PHACTR3: variants seen among roughly 807,000 people sequenced by gnomAD.
PHACTR3 encodes the protein phosphatase and actin regulator 3.
Under a neutral mutation model 66.8 loss-of-function variants are expected in PHACTR3, and 16 were observed. The observed-to-expected ratio is 0.24, with a 90% confidence interval of 0.16 to 0.36. The LOEUF is 0.36. PHACTR3 is among the 10% of genes least tolerant of loss of function. PHACTR3 has a pLI of 1.00. For missense variants in PHACTR3, 647 were observed against 719.9 expected (o/e 0.90, Z 1.16); for synonymous variants, 323 against 292.1 (o/e 1.11, Z -1.08).
chr20:59,731,762 A>G (rs1489223482), intron 1 of PHACTR3, among the ~76,000 whole-genome samples: 1 of 152,202 alleles, frequency 6.6e-6, no homozygotes, highest in African/African-American at 2.4e-5. Context: ...TTTCAGCATC[A>G]TTGCGTGCAG....
chr20:59,668,944 C>T (rs2036097513), intron 1 of PHACTR3, among the ~76,000 whole-genome samples: 1 of 144,064 alleles, frequency 6.9e-6, no homozygotes, highest in African/African-American at 2.7e-5. Context: ...GACAGGGTTT[C>T]ACCATGTCGG....
intron 1 of PHACTR3, among the ~76,000 whole-genome samples, chr20:59,630,916 G>A (rs73914751): frequency 0.011 from 1,665 of 152,300 alleles, 35 homozygotes; most frequent in African/African-American, 0.038. Flanking sequence ...CACCTGATGG[G>A]TAGACAGGGG....
chr20:59,601,495 AT>A (rs1273782920), upstream of PHACTR3, among the ~76,000 whole-genome samples: 1 of 152,196 alleles, frequency 6.6e-6, no homozygotes, highest in Non-Finnish European at 1.5e-5. Context: ...AGGAGGGACA[AT>A]TGGTGACTTT....
At chr20:59,654,619 A>C (rs2035557547) in intron 1 of PHACTR3, among the ~76,000 whole-genome samples, 1 of 152,180 alleles carries the variant, frequency 6.6e-6, no homozygotes. Flanking sequence ...CCAAGCTTTT[A>C]AATTTTACTA....
rs376299095 is a variant in PHACTR3, at chr20:59,674,422, C to T, written c.119-68685C>T. ...TCCTTCTCCTGTTCCTTCCCCTTCT[C>T]CTGTCCCCCCTTCTCCTGTTCCTTC... On this transcript the variant is annotated intron_variant, in intron 1 of 12. Coordinates refer to ENST00000371015, the MANE Select transcript of PHACTR3 (RefSeq NM_080672.5). Among the ~76,000 whole-genome samples the T allele has an allele frequency of 1.5e-4, 22 of 149,144 alleles. No homozygotes were observed. The East Asian group carries it at 4.1e-3, about 28-fold the overall frequency.
At position 59,806,032 on chromosome 20, in the gene PHACTR3, G is replaced by T. The variant is rs1298751727; in HGVS notation, c.1175-9G>T. ...CCTTCTCTCCTCTTGCCCTGGATGG[G>T]GCTTTTAGGAACACTGCCACGGAAA... On this transcript the variant is annotated splice_polypyrimidine_tract_variant and intron_variant, in intron 7 of 12. Coordinates refer to ENST00000371015, the MANE Select transcript of PHACTR3 (RefSeq NM_080672.5). 1.2e-6 allele frequency: 2 copies of T among 1,612,592 alleles called. No homozygotes were observed. The highest frequency in any genetic ancestry group is 1.1e-5 in the South Asian group (1 of 90,906).
intron 7 of PHACTR3, among the ~76,000 whole-genome samples, chr20:59,805,544 G>A (rs747583056): frequency 2.0e-5 from 3 of 152,152 alleles, no homozygotes; most frequent in Admixed American, 6.5e-5. Flanking sequence ...AAGGCTGTGC[G>A]GTAGGCAGAG....
At chr20:59,717,967 T>TA (rs1481809438) in intron 1 of PHACTR3, among the ~76,000 whole-genome samples, 3 of 152,212 alleles carry the variant, frequency 2.0e-5, no homozygotes, top group African/African-American at 7.2e-5. Flanking sequence ...GGTTCACAGA[T>TA]ACAGCTAAGA....
At chr20:59,698,788 C>T (rs1450325346) in intron 1 of PHACTR3, among the ~76,000 whole-genome samples, 1 of 152,190 alleles carries the variant, frequency 6.6e-6, no homozygotes, top group Non-Finnish European at 1.5e-5. Context: ...GCCCACAGAA[C>T]TCTCCATGGT....
intron 8 of PHACTR3, among the ~76,000 whole-genome samples, chr20:59,834,705 ATC>A (rs755589987): frequency 2.6e-5 from 4 of 152,100 alleles, no homozygotes; most frequent in Non-Finnish European, 4.4e-5. Context: ...AGCGAAATGT[ATC>A]TCTGCCAGAT....
intron 5 of PHACTR3, among the ~76,000 whole-genome samples, chr20:59,770,211 C>T (rs765174117): frequency 1.4e-4 from 21 of 152,218 alleles, no homozygotes; most frequent in Non-Finnish European, 2.8e-4. Context: ...TCAGGGGATA[C>T]TCTGACACTT....
rs77254639 is a variant in PHACTR3 at position 59,738,577 on chromosome 20, G to A, written c.119-4530G>A. 2.8e-4 allele frequency among the ~76,000 whole-genome samples: 43 copies of A among 152,200 alleles called. No individual in the cohort carries two copies. Among genetic ancestry groups the A allele is most frequent in the Non-Finnish European group, 3.7e-4 (25 of 68,004 alleles). ...TGTAGTTTATTCTGTGTGCTACTCC[G>A]TTTTGCCTTGGCTGCTAGGAAGCTC... On this transcript the variant is annotated intron_variant, in intron 1 of 12. Transcript: ENST00000371015. The surrounding 1 kb of genome is among the most constrained non-coding windows in gnomAD (Gnocchi z 4.4).
chr20:59,769,660 C>T (rs566928434), intron 5 of PHACTR3, among the ~76,000 whole-genome samples: 2 of 152,324 alleles, frequency 1.3e-5, no homozygotes, highest in South Asian at 2.1e-4. Flanking sequence ...GACGGCCACA[C>T]GTCTGTGTTC....
chr20:59,717,685 G>T (rs540258960), intron 1 of PHACTR3, among the ~76,000 whole-genome samples: 16 of 152,258 alleles, frequency 1.1e-4, no homozygotes, highest in African/African-American at 3.6e-4. Flanking sequence ...ATATAGATCT[G>T]TTCCTTGTTA....
intron 11 of PHACTR3, chr20:59,843,699 T>C (rs1243130192): frequency 1.3e-5 from 2 of 152,036 alleles, no homozygotes; most frequent in East Asian, 3.9e-4. Context: ...AATAAAGACT[T>C]AAATGTAAGA....
intron 1 of PHACTR3, among the ~76,000 whole-genome samples, chr20:59,595,185 G>A (rs1010744421): frequency 7.2e-5 from 11 of 152,042 alleles, no homozygotes; most frequent in East Asian, 1.9e-4. Flanking sequence ...TTAATGTGCC[G>A]GGCGTGGTGG....
chr20:59,732,934 A>G (rs532113753), intron 1 of PHACTR3, among the ~76,000 whole-genome samples: 7 of 152,270 alleles, frequency 4.6e-5, no homozygotes, highest in Non-Finnish European at 7.4e-5. Context: ...CAGTTAGTCC[A>G]TCAAACAAGG....
In PHACTR3 at chr20:59,756,341, G is replaced by A. The variant is rs145046458; in HGVS notation, c.541+977G>A. 7.7e-3 allele frequency among the ~76,000 whole-genome samples: 1,177 copies of A among 152,316 alleles called. 10 individuals carry two copies. Among genetic ancestry groups the A allele is most frequent in the South Asian group, 0.031 (152 of 4,828 alleles). On this transcript the variant is annotated intron_variant, in intron 4 of 12. Transcript: ENST00000371015. The stretch of plus-strand genomic sequence containing the variant: ...CGTCTCTCCGTGAGTGTGGGAGGTT[G>A]GAAATCCAGGCCCCAGGACAGCCTG...
intron 1 of PHACTR3, among the ~76,000 whole-genome samples, chr20:59,680,662 A>AT (rs140232182): frequency 0.12 from 17,474 of 148,680 alleles, 1,212 homozygotes; most frequent in Non-Finnish European, 0.16. Flanking sequence ...GTGTTATGAG[A>AT]TTTTTTTTTT....
Sources: allele counts gnomAD v4.1 joint callset (sites outside exome capture counted in the v4.1 genomes callset), GRCh38; gene constraint gnomAD v4.1.1; non-coding constraint Gnocchi (gnomAD v3.1); transcripts MANE v1.5; gene names NCBI Gene and HGNC (gene_info 2026-07-23, HGNC 2026-07-21).